Variants in OPCML observed in about 807,000 individuals in gnomAD.
The protein encoded by OPCML is opioid binding protein/cell adhesion molecule like, also known as opioid-binding protein/cell adhesion molecule.
OPCML carries 13 observed loss-of-function variants against 37.8 expected under a neutral mutation model. That is an observed-to-expected ratio of 0.34 (90% CI 0.22 to 0.55). The LOEUF (loss-of-function observed/expected upper bound fraction) is 0.55. Ranked by LOEUF, OPCML falls within the 20% of genes least tolerant of loss-of-function variation. The pLI is 0.91. For synonymous variants in OPCML, 176 were observed against 168.8 expected (o/e 1.04, Z -0.33); for missense variants, 341 against 435.6 (o/e 0.78, Z 1.93).
intron 1 of OPCML, among the ~76,000 whole-genome samples, chr11:133,249,199 G>A (rs1244251501): frequency 2.0e-5 from 3 of 152,144 alleles, no homozygotes; most frequent in African/African-American, 7.2e-5. Context: ...TGTACTAGGA[G>A]CACAGGGCCA....
chr11:132,906,008 T>C (rs1299641170), intron 2 of OPCML, among the ~76,000 whole-genome samples: 2 of 152,208 alleles, frequency 1.3e-5, no homozygotes, highest in Admixed American at 1.3e-4. Context: ...TGTTTCAGAA[T>C]GTGAGCATGA....
intron 3 of OPCML, among the ~76,000 whole-genome samples, chr11:132,537,768 AT>A (rs1428626361): frequency 2.6e-5 from 4 of 152,346 alleles, no homozygotes; most frequent in Admixed American, 2.0e-4. Context: ...TGCATAAATA[AT>A]TCTCCAAAGA....
chr11:133,181,169 G>T (rs996135235), intron 1 of OPCML, among the ~76,000 whole-genome samples: 1 of 152,260 alleles, frequency 6.6e-6, no homozygotes, highest in South Asian at 2.1e-4. Context: ...AGGAAGATGG[G>T]TGTGTTTGTG....
intron 1 of OPCML, among the ~76,000 whole-genome samples, chr11:133,017,984 G>A (rs896202758): frequency 8.5e-5 from 13 of 152,158 alleles, no homozygotes; most frequent in Non-Finnish European, 5.9e-5. Context: ...ACCCTTCCTT[G>A]GTAGCGCTCT....
chr11:132,869,641 C>T (rs1223304429), intron 2 of OPCML, among the ~76,000 whole-genome samples: 2 of 152,210 alleles, frequency 1.3e-5, no homozygotes, highest in East Asian at 1.9e-4. Flanking sequence ...ATCATCTGTA[C>T]AATCTCCTGC....
chr11:132,683,546 C>T (rs1250103306), intron 2 of OPCML, among the ~76,000 whole-genome samples: 1 of 152,214 alleles, frequency 6.6e-6, no homozygotes, highest in South Asian at 2.1e-4. Context: ...AATAACTTCT[C>T]TGAACCTCAA....
chr11:132,640,192 G>A (rs1349423511), intron 3 of OPCML, among the ~76,000 whole-genome samples: 9 of 152,232 alleles, frequency 5.9e-5, no homozygotes, highest in East Asian at 1.9e-4. Context: ...TGCATATCCC[G>A]GAGCCTGAGC....
intron 1 of OPCML, among the ~76,000 whole-genome samples, chr11:133,368,380 G>A (rs2136743863): frequency 2.0e-5 from 3 of 152,196 alleles, no homozygotes; most frequent in Admixed American, 2.0e-4. Context: ...CCACAGCAGA[G>A]GAGAAGATGA....
At chr11:132,887,486 C>G (rs968948567) in intron 2 of OPCML, among the ~76,000 whole-genome samples, 1 of 152,086 alleles carries the variant, frequency 6.6e-6, no homozygotes, top group Non-Finnish European at 1.5e-5. Flanking sequence ...TTGCACTCAC[C>G]CCGAAGATGG....
chr11:132,922,905 C>T (rs536665476), intron 2 of OPCML, among the ~76,000 whole-genome samples: 2 of 151,826 alleles, frequency 1.3e-5, no homozygotes, highest in African/African-American at 4.8e-5. Flanking sequence ...CACATCTCTA[C>T]ACGTTTTTGT....
At chr11:132,696,459 A>C (rs1235528513) in intron 2 of OPCML, among the ~76,000 whole-genome samples, 1 of 152,212 alleles carries the variant, frequency 6.6e-6, no homozygotes. Context: ...GTATTTTTTA[A>C]GCACCTCTAA....
At chr11:133,171,476 C>CA (rs1176656315) in intron 1 of OPCML, among the ~76,000 whole-genome samples, 1 of 152,186 alleles carries the variant, frequency 6.6e-6, no homozygotes, top group Non-Finnish European at 1.5e-5. Flanking sequence ...AACAGTCTGT[C>CA]ACTCAGTATT....
intron 2 of OPCML, among the ~76,000 whole-genome samples, chr11:132,864,086 C>T (rs941196906): frequency 2.0e-5 from 3 of 152,024 alleles, no homozygotes; most frequent in Admixed American, 6.6e-5. Context: ...TGCAGGCATG[C>T]GCCACCAAGC....
intron 2 of OPCML, among the ~76,000 whole-genome samples, chr11:132,832,909 A>AT (rs1282031481): frequency 4.6e-5 from 7 of 151,466 alleles, no homozygotes; most frequent in Non-Finnish European, 8.9e-5. Flanking sequence ...TTACAGTAAA[A>AT]AATGTGATAA....
In OPCML at chr11:132,755,441, C is replaced by T. The variant is rs575284850; in HGVS notation, c.147-98122G>A. On this transcript the variant is annotated intron_variant, in intron 2 of 7. Coordinates refer to ENST00000524381, the MANE Select transcript of OPCML (RefSeq NM_001012393.5). Reference sequence around the variant, plus strand: ...GTTTTTTAAAACATGTATTTTACACCTGATTTATTCAAACTTGGATCCTAT... The same window carrying T: ...GTTTTTTAAAACATGTATTTTACACTTGATTTATTCAAACTTGGATCCTAT... Among the ~76,000 whole-genome samples the T allele has an allele frequency of 4.3e-4, 66 of 152,148 alleles. 2 individuals carry two copies. Among genetic ancestry groups the T allele is most frequent in the Admixed American group, 4.3e-3 (66 of 15,264 alleles).
rs146548139 is a variant in OPCML, at chr11:133,156,937, A to C, written c.62-213927T>G. Among the ~76,000 whole-genome samples, 1,137 of 151,700 alleles carry C rather than the reference A, an allele frequency of 7.5e-3. 4 individuals are homozygous for C. Among genetic ancestry groups the C allele is most frequent in the African/African-American group, 0.015 (614 of 41,324 alleles). On this transcript the variant is annotated intron_variant, in intron 1 of 7. Transcript: ENST00000524381. ...AACACCTGGAAACCCTGCCTCTCAA[A>C]CCCCCTCAGCAGCACTCACAGCAGC...
intron 1 of OPCML, among the ~76,000 whole-genome samples, chr11:133,319,448 A>T (rs1162515370): frequency 6.6e-6 from 1 of 152,128 alleles, no homozygotes; most frequent in Non-Finnish European, 1.5e-5. Flanking sequence ...CTTTGTTCAA[A>T]TTCTTTTCTC....
At chr11:133,062,701 C>A (rs1038715420) in intron 1 of OPCML, among the ~76,000 whole-genome samples, 4 of 152,218 alleles carry the variant, frequency 2.6e-5, no homozygotes, top group Admixed American at 1.3e-4. Flanking sequence ...GACCCCACTG[C>A]CCACTCTTGC....
At chr11:132,977,261 A>C (rs1229087347) in intron 1 of OPCML, among the ~76,000 whole-genome samples, 1 of 152,240 alleles carries the variant, frequency 6.6e-6, no homozygotes, top group Admixed American at 6.5e-5. Context: ...TATTCAAAAT[A>C]GGAGGCCCTG....
Sources: allele counts gnomAD v4.1 joint callset (sites outside exome capture counted in the v4.1 genomes callset), GRCh38; gene constraint gnomAD v4.1.1; transcripts MANE v1.5; gene names NCBI Gene and HGNC (gene_info 2026-07-23, HGNC 2026-07-21).